STPG2: variants seen among roughly 807,000 people sequenced by gnomAD.
STPG2 encodes the protein sperm-tail PG-rich repeat-containing protein 2.
STPG2 carries 56 observed loss-of-function variants against 54.2 expected under a neutral mutation model. The ratio of observed to expected loss-of-function variants is 1.03; its 90% CI spans 0.83 to 1.29. The LOEUF is 1.29. Among genes scored for constraint, STPG2 ranks in the 50% most tolerant of loss-of-function variants. The pLI, the probability that STPG2 is intolerant of heterozygous loss-of-function variation, is 0.00. For synonymous variants in STPG2, 200 were observed against 181.8 expected, an observed-to-expected ratio of 1.10 and a Z score of -0.81; for missense variants, 596 against 544.9, an observed-to-expected ratio of 1.09 and a Z score of -0.93.
intron 5 of STPG2, among the ~76,000 whole-genome samples, chr4:98,063,993 T>C (rs1485298177): frequency 1.3e-5 from 2 of 151,942 alleles, no homozygotes; most frequent in African/African-American, 4.8e-5. Flanking sequence ...ATAAACACAA[T>C]TTTAGGAATG....
chr4:97,624,251 C>T (rs1489619450), intron 10 of STPG2, among the ~76,000 whole-genome samples: 3 of 152,156 alleles, frequency 2.0e-5, no homozygotes, highest in Non-Finnish European at 2.9e-5. Context: ...TTTACATTCA[C>T]ACCCACAATG....
At chr4:97,726,677 C>A (rs1724633203) in intron 9 of STPG2, among the ~76,000 whole-genome samples, 1 of 151,840 alleles carries the variant, frequency 6.6e-6, no homozygotes, top group African/African-American at 2.4e-5. Flanking sequence ...CTTCACTCAT[C>A]ACTGAGTAAT....
intron 10 of STPG2, among the ~76,000 whole-genome samples, chr4:97,676,927 C>T (rs1047297931): frequency 2.0e-5 from 3 of 152,268 alleles, no homozygotes; most frequent in African/African-American, 7.2e-5. Flanking sequence ...TCTCCCATAT[C>T]TTAGTACTTT....
intron 10 of STPG2, among the ~76,000 whole-genome samples, chr4:97,708,654 T>C (rs1317569089): frequency 6.6e-6 from 1 of 151,920 alleles, no homozygotes; most frequent in Non-Finnish European, 1.5e-5. Context: ...CCCAATAAAA[T>C]ATCTTTCTGC....
At chr4:98,082,678 T>C (rs1463755695) in intron 5 of STPG2, among the ~76,000 whole-genome samples, 1 of 151,778 alleles carries the variant, frequency 6.6e-6, no homozygotes, top group African/African-American at 2.4e-5. Flanking sequence ...GGTCTCCATC[T>C]CTTGACCTCA....
chr4:97,978,537 T>A (rs1049295893), intron 6 of STPG2, among the ~76,000 whole-genome samples: 2 of 149,938 alleles, frequency 1.3e-5, no homozygotes, highest in Admixed American at 6.6e-5. Flanking sequence ...AGGGAGAGAG[T>A]CAGGAAAAAT....
chr4:97,609,740 T>C (rs971344521), intron 10 of STPG2, among the ~76,000 whole-genome samples: 2 of 151,994 alleles, frequency 1.3e-5, no homozygotes, highest in African/African-American at 4.8e-5. Flanking sequence ...CTTCAAGGGA[T>C]CTCTAAAAAT....
Position 97,819,302 on chromosome 4 carries a change from A to G in STPG2, c.1204+21471T>C, listed in dbSNP as rs1728011852. Among the ~76,000 whole-genome samples the G allele has an allele frequency of 4.6e-5, 7 of 152,042 alleles. No individual in the cohort carries two copies. In the South Asian group the frequency reaches 1.5e-3, roughly 32 times the overall value. On this transcript the variant is annotated intron_variant, in intron 9 of 10. Transcript: ENST00000295268. ...AGTACTTCTGAAGCTAGAATATTAT[A>G]AGTCACTGAGAAAACAGAATAAATA...
At chr4:97,935,595 G>A (rs545195756) in intron 8 of STPG2, among the ~76,000 whole-genome samples, 1 of 151,920 alleles carries the variant, frequency 6.6e-6, no homozygotes, top group Non-Finnish European at 1.5e-5. Context: ...TGTTTTCATT[G>A]GTTTCAATGA....
At chr4:97,702,125 C>T (rs1723798237) in intron 10 of STPG2, among the ~76,000 whole-genome samples, 1 of 152,182 alleles carries the variant, frequency 6.6e-6, no homozygotes, top group Non-Finnish European at 1.5e-5. Context: ...ATTTGGATCC[C>T]TTCCTCTACA....
intron 9 of STPG2, among the ~76,000 whole-genome samples, chr4:97,807,357 T>C (rs1727600780): frequency 6.6e-6 from 1 of 152,018 alleles, no homozygotes; most frequent in African/African-American, 2.4e-5. Flanking sequence ...ATGCTTATTT[T>C]ACTTCCTTTA....
At chr4:97,671,183 A>T (rs796236522) in intron 10 of STPG2, among the ~76,000 whole-genome samples, 128 of 152,350 alleles carry the variant, frequency 8.4e-4, no homozygotes, top group African/African-American at 2.9e-3. Context: ...TTGAGATTTT[A>T]AAAAAGGATC....
chr4:97,452,819 T>A (rs2148799716), intron 4 of STPG2, among the ~76,000 whole-genome samples: 1 of 152,278 alleles, frequency 6.6e-6, no homozygotes, highest in East Asian at 1.9e-4. Flanking sequence ...CTCCAGGGTC[T>A]TCTCTCTGCT....
intron 8 of STPG2, among the ~76,000 whole-genome samples, chr4:97,922,971 AC>A (rs2149211293): frequency 6.6e-6 from 1 of 151,972 alleles, no homozygotes; most frequent in South Asian, 2.1e-4. Flanking sequence ...TCTTTTCTCT[AC>A]AAATGTCATT....
chr4:97,886,900 G>C (rs1030792912), intron 8 of STPG2, among the ~76,000 whole-genome samples: 1 of 152,160 alleles, frequency 6.6e-6, no homozygotes, highest in Non-Finnish European at 1.5e-5. Context: ...AATGAGATAA[G>C]ATTGTTTAAA....
chr4:97,621,854 T>C (rs1734019279), intron 10 of STPG2, among the ~76,000 whole-genome samples: 1 of 152,196 alleles, frequency 6.6e-6, no homozygotes, highest in Non-Finnish European at 1.5e-5. Flanking sequence ...ATATCTTTGA[T>C]GAACATACAT....
intron 5 of STPG2, among the ~76,000 whole-genome samples, chr4:97,981,670 C>T (rs561571478): frequency 2.4e-4 from 36 of 151,414 alleles, no homozygotes; most frequent in Non-Finnish European, 4.6e-4. Context: ...TGATCTAACA[C>T]GTTATTTTAT....
intron 4 of STPG2, among the ~76,000 whole-genome samples, chr4:97,478,074 C>T (rs146304833): frequency 1.3e-5 from 2 of 152,150 alleles, no homozygotes; most frequent in South Asian, 2.1e-4. Context: ...AGGATGAAAA[C>T]GTTAAACAGA....
chr4:97,486,845 A>ATATATATATATACATATATGTATG (rs758834350), intron 4 of STPG2, among the ~76,000 whole-genome samples: 1 of 137,076 alleles, frequency 7.3e-6, no homozygotes, highest in Non-Finnish European at 1.5e-5. Flanking sequence ...ATATATATAT[A>ATATATATATATACATATATGTATG]TATGTATGTA....
Sources: allele counts gnomAD v4.1 joint callset (sites outside exome capture counted in the v4.1 genomes callset), GRCh38; gene constraint gnomAD v4.1.1; transcripts MANE v1.5; gene names NCBI Gene and HGNC (gene_info 2026-07-23, HGNC 2026-07-21).